Variants in VPS53 observed in about 807,000 individuals in gnomAD.
VPS53 encodes vacuolar protein sorting-associated protein 53 homolog.
VPS53 carries 70 observed loss-of-function variants against 107.0 expected under a neutral mutation model. The ratio of observed to expected loss-of-function variants is 0.65; its 90% CI spans 0.54 to 0.80. VPS53 has a LOEUF of 0.80. Among genes scored for constraint, VPS53 ranks in the 30% least tolerant of loss-of-function variants. VPS53 has a pLI of 0.00. For missense variants in VPS53, 917 were observed against 1,049.4 expected (o/e 0.87, Z 1.74); for synonymous variants, 409 against 393.3 (o/e 1.04, Z -0.47).
chr17:599,513 C>T (rs937438115), intron 12 of VPS53, among the ~76,000 whole-genome samples: 2 of 150,576 alleles, frequency 1.3e-5, no homozygotes, highest in African/African-American at 2.4e-5. Flanking sequence ...GGATTAAGGG[C>T]GGTGCAAGAT....
intron 12 of VPS53, among the ~76,000 whole-genome samples, chr17:589,040 CT>C (rs1200563830): frequency 6.6e-5 from 10 of 151,852 alleles, no homozygotes; most frequent in African/African-American, 1.9e-4. Context: ...AAACAGATAT[CT>C]TTTTATTAAT....
At chr17:596,249 T>C (rs1277799341) in intron 12 of VPS53, among the ~76,000 whole-genome samples, 1 of 152,236 alleles carries the variant, frequency 6.6e-6, no homozygotes, top group Admixed American at 6.5e-5. Flanking sequence ...TGATATATGA[T>C]TTGAAAGAAA....
intron 19 of VPS53, among the ~76,000 whole-genome samples, chr17:527,793 G>T (rs1000049299): frequency 6.6e-6 from 1 of 152,092 alleles, no homozygotes; most frequent in Non-Finnish European, 1.5e-5. Context: ...AAATTGTTTT[G>T]TAGAGATGGG....
At position 551,949 on chromosome 17, in the gene VPS53, C is replaced by T. The variant is rs770359446; in HGVS notation, c.1789G>A (p.Val597Ile). ...LTGEMDTFSTVISSSIQLLVQ... is the reference protein window; with the variant it reads ...LTGEMDTFSTIISSSIQLLVQ... ...AGCAGCTGAATACTGCTGGAGATGA[C>T]GCTGCAAATCAAACAAATCACTGTG... Residue 597 changes from valine (V) to isoleucine (I), a missense_variant and splice_region_variant, in exon 17 of 22, where the codon GTC becomes ATC. Coordinates refer to ENST00000437048, the MANE Select transcript of VPS53 (RefSeq NM_001128159.3). 99 of 1,589,740 alleles carry T rather than the reference C, an allele frequency of 6.2e-5. No homozygotes were observed. Among genetic ancestry groups the T allele is most frequent in the African/African-American group, 1.1e-4 (8 of 74,586 alleles).
At chr17:613,888 G>A in intron 11 of VPS53, among the ~76,000 whole-genome samples, 1 of 152,258 alleles carries the variant, frequency 6.6e-6, no homozygotes, top group Non-Finnish European at 1.5e-5. Flanking sequence ...GTCCACAGCT[G>A]ATGGAAGAGA....
chr17:663,161 C>T (rs950201878), intron 4 of VPS53, among the ~76,000 whole-genome samples: 6 of 152,128 alleles, frequency 3.9e-5, no homozygotes, highest in African/African-American at 1.4e-4. Flanking sequence ...TGTGATCATG[C>T]CACTGCACTC....
intron 8 of VPS53, among the ~76,000 whole-genome samples, chr17:628,978 T>C (rs2143112586): frequency 6.6e-6 from 1 of 152,310 alleles, no homozygotes; most frequent in South Asian, 2.1e-4. Context: ...ACTGGCTAAG[T>C]GGACTACAGT....
chr17:592,344 A>C (rs1249660154), intron 12 of VPS53, among the ~76,000 whole-genome samples: 1 of 152,144 alleles, frequency 6.6e-6, no homozygotes, highest in Admixed American at 6.5e-5. Flanking sequence ...CTCTTTATCC[A>C]ATTTGCCAGT....
chr17:574,859 A>T (rs1272454680), intron 13 of VPS53, among the ~76,000 whole-genome samples: 1 of 152,216 alleles, frequency 6.6e-6, no homozygotes, highest in Non-Finnish European at 1.5e-5. Context: ...TTTGGCTGAA[A>T]AGAGTCATCC....
chr17:565,175 G>A (rs1239706436), intron 13 of VPS53, among the ~76,000 whole-genome samples: 1 of 151,996 alleles, frequency 6.6e-6, no homozygotes, highest in Non-Finnish European at 1.5e-5. Context: ...GCCGGGGCGG[G>A]TGGATCACCT....
chr17:588,087 G>A (rs1292772897), intron 12 of VPS53, among the ~76,000 whole-genome samples: 1 of 152,208 alleles, frequency 6.6e-6, no homozygotes, highest in African/African-American at 2.4e-5. Flanking sequence ...GGAGGCCAAG[G>A]TGGGCGGATC....
At chr17:714,594 T>C in intron 1 of VPS53, 29 bp downstream of exon 1, 1 of 1,585,714 alleles carries the variant, frequency 6.3e-7, no homozygotes, top group Non-Finnish European at 8.6e-7. Flanking sequence ...CGCACTCCCG[T>C]TTCCCCTCCT....
intron 7 of VPS53, among the ~76,000 whole-genome samples, chr17:635,805 T>C (rs1412659898): frequency 6.6e-6 from 1 of 152,216 alleles, no homozygotes; most frequent in Non-Finnish European, 1.5e-5. Flanking sequence ...TATAGCCTTG[T>C]AGTATAGTTT....
chr17:696,843 A>C (rs1177106183), intron 4 of VPS53, among the ~76,000 whole-genome samples: 1 of 126,464 alleles, frequency 7.9e-6, no homozygotes, highest in Admixed American at 1.0e-4. Flanking sequence ...TCCATGCTGG[A>C]GTGCAGCGGT....
At chr17:561,901 G>T (rs1402731549) in intron 14 of VPS53, among the ~76,000 whole-genome samples, 1 of 152,076 alleles carries the variant, frequency 6.6e-6, no homozygotes, top group Non-Finnish European at 1.5e-5. Flanking sequence ...CAATCCTACC[G>T]CATCTTCAAA....
intron 2 of VPS53, among the ~76,000 whole-genome samples, chr17:704,876 T>C (rs929738736): frequency 6.6e-6 from 1 of 152,252 alleles, no homozygotes; most frequent in Non-Finnish European, 1.5e-5. Context: ...CAGCAATTAC[T>C]ATCTTTATCC....
chr17:641,513 T>C (rs74609614), intron 7 of VPS53, among the ~76,000 whole-genome samples: 15,049 of 152,228 alleles, frequency 0.099, 833 homozygotes, highest in East Asian at 0.21. Flanking sequence ...AGTACAGTGG[T>C]GCATTTGTGG....
intron 12 of VPS53, among the ~76,000 whole-genome samples, chr17:599,673 T>G (rs867549841): frequency 6.6e-6 from 1 of 150,420 alleles, no homozygotes; most frequent in South Asian, 2.1e-4. Flanking sequence ...CTTGTTTATC[T>G]GCTGACCTTC....
intron 13 of VPS53, among the ~76,000 whole-genome samples, chr17:581,197 A>C (rs1227534752): frequency 6.7e-6 from 1 of 149,378 alleles, no homozygotes; most frequent in East Asian, 2.0e-4. Flanking sequence ...AACCTAATGC[A>C]TTCCCACAGA....
Sources: gnomAD v4.1 joint callset for allele counts (sites outside exome capture counted in the v4.1 genomes callset) on GRCh38, gnomAD v4.1.1 for gene constraint, MANE v1.5 for transcripts, NCBI Gene and HGNC (gene_info 2026-07-23, HGNC 2026-07-21) for gene names.